VTI1A: variants seen among roughly 807,000 people sequenced by gnomAD.
The protein encoded by VTI1A is vesicle transport through interaction with t-SNAREs homolog 1A.
A neutral mutation model predicts 34.9 loss-of-function variants in VTI1A; 22 were observed. The observed-to-expected ratio is 0.63, with a 90% CI of 0.45 to 0.90. The LOEUF (loss-of-function observed/expected upper bound fraction) is 0.90. Among genes scored for constraint, VTI1A ranks in the 40% least tolerant of loss-of-function variants. The pLI is 0.00. For missense variants in VTI1A, 268 were observed against 275.6 expected, an observed-to-expected ratio of 0.97 and a Z score of 0.20; for synonymous variants, 87 against 97.3, an observed-to-expected ratio of 0.89 and a Z score of 0.62.
chr10:112,670,082 G>C (rs1397353416), intron 7 of VTI1A, among the ~76,000 whole-genome samples: 3 of 152,050 alleles, frequency 2.0e-5, no homozygotes, highest in Non-Finnish European at 4.4e-5. Context: ...AGAGTACTAT[G>C]TAAATGGCCT....
intron 5 of VTI1A, among the ~76,000 whole-genome samples, chr10:112,574,025 A>C (rs952145467): frequency 6.6e-6 from 1 of 152,168 alleles, no homozygotes; most frequent in Non-Finnish European, 1.5e-5. Flanking sequence ...AGATCTCTAC[A>C]TGTTTGTAGT....
intron 4 of VTI1A, among the ~76,000 whole-genome samples, chr10:112,533,762 C>T (rs1850528512): frequency 6.6e-6 from 1 of 151,468 alleles, no homozygotes. Flanking sequence ...GATCATTGTT[C>T]TTTGTTGGAA....
Position 112,448,372 on chromosome 10 carries a change from T to G in VTI1A, c.94+905T>G, listed in dbSNP as rs553004946. On this transcript the variant is annotated intron_variant, in intron 1 of 7. Transcript: ENST00000393077. ...ATGTTTTTGTTTTTGTGTTTCCTTT[T>G]GTGTTTTAGCACATCTTATTTTCTA... 2.6e-5 allele frequency: 4 copies of G among 152,368 alleles called. 1 individual carries two copies. In the East Asian group the frequency reaches 7.7e-4, roughly 29 times the overall value. The allele number at this position is 152,368 out of a possible 1,614,324, so 9.4% of individuals were successfully genotyped here. A position where few individuals can be genotyped will look rare whatever the true frequency, so the allele number is the denominator to read the frequency against.
the VTI1A span, among the ~76,000 whole-genome samples, chr10:112,835,379 G>A: frequency 6.6e-6 from 1 of 152,202 alleles, no homozygotes; most frequent in Admixed American, 6.5e-5. Context: ...GTCAGGATAG[G>A]TGGCCTATCT....
intron 7 of VTI1A, among the ~76,000 whole-genome samples, chr10:112,757,351 ATTTTT>A (rs1175362768): frequency 5.6e-3 from 228 of 40,654 alleles, no homozygotes; most frequent in African/African-American, 0.016. Context: ...TGTTGCTGTG[ATTTTT>A]TTTTTTTTTT....
chr10:112,471,377 T>G (rs1001612409), intron 3 of VTI1A, among the ~76,000 whole-genome samples: 9 of 150,988 alleles, frequency 6.0e-5, no homozygotes, highest in African/African-American at 2.2e-4. Context: ...ATTTTTTTTT[T>G]TTTTTTTTTT....
intron 5 of VTI1A, among the ~76,000 whole-genome samples, chr10:112,635,370 G>C (rs1230613704): frequency 6.6e-6 from 1 of 152,178 alleles, no homozygotes; most frequent in Non-Finnish European, 1.5e-5. Flanking sequence ...GAGATTGGTA[G>C]AGGCATTCCA....
intron 5 of VTI1A, among the ~76,000 whole-genome samples, chr10:112,568,582 C>G (rs751217218): frequency 1.3e-5 from 2 of 151,912 alleles, no homozygotes; most frequent in Non-Finnish European, 2.9e-5. Context: ...GGAGGTGGAG[C>G]CAAGAGAAGT....
intron 5 of VTI1A, among the ~76,000 whole-genome samples, chr10:112,640,089 C>T (rs1846510600): frequency 6.6e-6 from 1 of 152,050 alleles, no homozygotes; most frequent in African/African-American, 2.4e-5. Flanking sequence ...TTTTTCTTTA[C>T]CCAAAGACTT....
At chr10:112,671,108 C>G (rs2133840415) in intron 7 of VTI1A, among the ~76,000 whole-genome samples, 1 of 152,290 alleles carries the variant, frequency 6.6e-6, no homozygotes, top group African/African-American at 2.4e-5. Context: ...TTTTGGTTAT[C>G]TCATGGAAAA....
chr10:112,581,322 C>G (rs2134398820), intron 5 of VTI1A, among the ~76,000 whole-genome samples: 1 of 152,322 alleles, frequency 6.6e-6, no homozygotes, highest in Middle Eastern at 3.4e-3. Context: ...CTGTTACTTG[C>G]CCCAGGTTAG....
chr10:112,631,918 A>G (rs1846144517), intron 5 of VTI1A, among the ~76,000 whole-genome samples: 2 of 152,190 alleles, frequency 1.3e-5, no homozygotes. Flanking sequence ...TTTTGTTTAC[A>G]TCTTATAGAA....
intron 5 of VTI1A, among the ~76,000 whole-genome samples, chr10:112,600,800 A>T (rs1373696999): frequency 6.6e-6 from 1 of 152,232 alleles, no homozygotes; most frequent in East Asian, 1.9e-4. Context: ...CAAATGTTTA[A>T]TGTTTGATGT....
chr10:112,726,603 G>C (rs572910823), intron 7 of VTI1A, among the ~76,000 whole-genome samples: 5 of 152,278 alleles, frequency 3.3e-5, no homozygotes, highest in African/African-American at 1.2e-4. Flanking sequence ...TAATGAAAAA[G>C]TGTTAAGGAG....
In VTI1A at chr10:112,506,889, T is replaced by C. The variant is rs1849449951; in HGVS notation, c.265-20198T>C. On this transcript the variant is annotated intron_variant, in intron 3 of 7. Coordinates refer to ENST00000393077, the MANE Select transcript of VTI1A (RefSeq NM_145206.4). ...GATATATTCACTGGATATTGAATTTTAGTTTGACAATTTCTTTGTCTTCTT... is the reference window on the plus strand; with the variant it reads ...GATATATTCACTGGATATTGAATTTCAGTTTGACAATTTCTTTGTCTTCTT... 1.3e-5 allele frequency among the ~76,000 whole-genome samples: 2 copies of C among 152,102 alleles called. 1 individual carries two copies. Among genetic ancestry groups the C allele is most frequent in the South Asian group, 4.1e-4 (2 of 4,828 alleles).
intron 3 of VTI1A, among the ~76,000 whole-genome samples, chr10:112,487,104 C>T (rs1011912204): frequency 6.6e-6 from 1 of 152,006 alleles, no homozygotes; most frequent in African/African-American, 2.4e-5. Flanking sequence ...TTGAGAAATA[C>T]TATGATAAAA....
At chr10:112,613,249 T>C (rs1845387220) in intron 5 of VTI1A, among the ~76,000 whole-genome samples, 2 of 152,224 alleles carry the variant, frequency 1.3e-5, no homozygotes, top group Admixed American at 6.5e-5. Context: ...TTGGTCTTTT[T>C]AAAAAGTTAC....
chr10:112,845,335 C>T, the VTI1A span, among the ~76,000 whole-genome samples: 1 of 152,210 alleles, frequency 6.6e-6, no homozygotes, highest in Non-Finnish European at 1.5e-5. Flanking sequence ...CTGGGGGCAG[C>T]ACATTCTCCC....
chr10:112,846,369 C>T, the VTI1A span, among the ~76,000 whole-genome samples: 1 of 152,166 alleles, frequency 6.6e-6, no homozygotes, highest in Non-Finnish European at 1.5e-5. Context: ...CACAAGCACG[C>T]ACTGTTGATA....
Sources: allele counts gnomAD v4.1 joint callset (sites outside exome capture counted in the v4.1 genomes callset), GRCh38; gene constraint gnomAD v4.1.1; transcripts MANE v1.5; gene names NCBI Gene and HGNC (gene_info 2026-07-23, HGNC 2026-07-21).